The following PRXL2C variants were observed in gnomAD, a reference collection of about 807,000 sequenced individuals.
PRXL2C encodes the protein peroxiredoxin-like 2C.
PRXL2C carries 38 observed loss-of-function variants against 24.9 expected under a neutral mutation model. The observed-to-expected ratio is 1.53, with a 90% CI of 1.18 to 2.00. PRXL2C has a LOEUF of 2.00. Among genes scored for constraint, PRXL2C ranks in the 30% most tolerant of loss-of-function variants. The pLI is 0.00. For synonymous variants in PRXL2C, 98 were observed against 117.2 expected (o/e 0.84, Z 1.06); for missense variants, 294 against 290.9 (o/e 1.01, Z -0.08).
chr9:96,651,783 C>G (rs1394148134), intron 2 of PRXL2C, 71 bp from the exon 3 acceptor site: 1 of 1,337,802 alleles, frequency 7.5e-7, no homozygotes, highest in Non-Finnish European at 1.0e-6. Flanking sequence ...TCCCTTAACC[C>G]AACTCTTATG....
At chr9:96,644,444 A>G (rs1848162621) in intron 5 of PRXL2C, among the ~76,000 whole-genome samples, 2 of 152,212 alleles carry the variant, frequency 1.3e-5, no homozygotes, top group Non-Finnish European at 2.9e-5. Context: ...ACACCCATCA[A>G]TAAAGTTAAC....
rs1367843919 is a variant in PRXL2C, at chr9:96,654,782, CAAAACGGCA to C, written c.193-18_193-10del. 6.4e-7 allele frequency: 1 copy of C among 1,557,750 alleles called. No homozygotes were observed. The highest frequency in any genetic ancestry group is 8.7e-7 in the Non-Finnish European group (1 of 1,149,738). ...ATGTAACACAGGAAATGCTGAAAGC[CAAAACGGCA>C]GAAAGGGCAAGTTAGTAAAGCAGCA... On this transcript the variant is annotated splice_polypyrimidine_tract_variant and intron_variant, in intron 1 of 5. Coordinates refer to ENST00000375234, the MANE Select transcript of PRXL2C (RefSeq NM_153698.2).
intron 5 of PRXL2C, 71 bp from the exon 6 acceptor site, chr9:96,641,957 G>A: frequency 2.3e-6 from 3 of 1,323,320 alleles, no homozygotes; most frequent in Admixed American, 2.7e-5. Context: ...CTAAAATCAA[G>A]GAAGCTTTTC....
At chr9:96,645,850 A>G in intron 5 of PRXL2C, 43 bp downstream of exon 5, 1 of 1,538,926 alleles carries the variant, frequency 6.5e-7, no homozygotes. Flanking sequence ...AACTTGTAAA[A>G]AGCACAAGAC....
chr9:96,653,104 T>TTAG (rs1181610281), intron 2 of PRXL2C, among the ~76,000 whole-genome samples: 1 of 151,598 alleles, frequency 6.6e-6, no homozygotes, highest in Admixed American at 6.6e-5. Context: ...CGGGCGCCTG[T>TTAG]TAGTCCCAGC....
In PRXL2C at chr9:96,655,201, C is replaced by A; in HGVS notation, c.81G>T (p.Gly27=). 2.5e-6 allele frequency: 3 copies of A among 1,186,042 alleles called. No homozygotes were observed. Among genetic ancestry groups the A allele is most frequent in the Non-Finnish European group, 3.1e-6 (3 of 960,404 alleles). 73.5% of individuals were successfully genotyped at this position (1,186,042 alleles called of 1,614,324 possible). ...CGGCCACGGCGGCCGCCAGGGGCTGCCCGCTGTCGGGGCCGCTCGGGGCCG... is the reference window on the plus strand; with the variant it reads ...CGGCCACGGCGGCCGCCAGGGGCTGACCGCTGTCGGGGCCGCTCGGGGCCG... ...LVPAPSGPDS[G]QPLAAAVAEL... The change falls in exon 1 of 6, where the codon GGG becomes GGT. Residue 27 remains glycine, a synonymous_variant. Transcript: ENST00000375234.
At chr9:96,652,918 TG>T (rs1198521939) in intron 2 of PRXL2C, among the ~76,000 whole-genome samples, 1 of 152,074 alleles carries the variant, frequency 6.6e-6, no homozygotes, top group Non-Finnish European at 1.5e-5. Flanking sequence ...TGTTCAACAA[TG>T]GATAAATATA....
chr9:96,650,798 A>G (rs1029887547), intron 4 of PRXL2C, among the ~76,000 whole-genome samples: 1 of 152,144 alleles, frequency 6.6e-6, no homozygotes, highest in Non-Finnish European at 1.5e-5. Context: ...TTTAAAACCT[A>G]TTTCATCATG....
chr9:96,641,694 T>TA lies in PRXL2C; in HGVS notation c.*64dup. 6.8e-7 allele frequency: 1 copy of TA among 1,462,738 alleles called. No homozygotes were observed. Among genetic ancestry groups the TA allele is most frequent in the Non-Finnish European group, 9.2e-7 (1 of 1,086,534 alleles). The allele number at this position is 1,462,738 out of a possible 1,614,324, so 90.6% of individuals were successfully genotyped here. ...CAGGTTAGACACTGCACGAGGATAT[T>TA]ACACCCAGGCATTGAAGGTCACATT... On this transcript the variant is annotated 3_prime_UTR_variant, in exon 6 of 6. Transcript: ENST00000375234.
chr9:96,652,731 T>C (rs1347568056), intron 2 of PRXL2C, among the ~76,000 whole-genome samples: 1 of 152,088 alleles, frequency 6.6e-6, no homozygotes, highest in Non-Finnish European at 1.5e-5. Flanking sequence ...AGTACAGCCA[T>C]TACGGAAAAC....
chr9:96,645,812 G>T, intron 5 of PRXL2C, 81 bp downstream of exon 5: 1 of 1,339,242 alleles, frequency 7.5e-7, no homozygotes, highest in Non-Finnish European at 1.0e-6. Flanking sequence ...AAAAAAAAAA[G>T]GAAAAGAAAA....
At chr9:96,642,268 A>G (rs1410496993) in intron 5 of PRXL2C, among the ~76,000 whole-genome samples, 2 of 152,172 alleles carry the variant, frequency 1.3e-5, no homozygotes, top group Non-Finnish European at 2.9e-5. Flanking sequence ...GAATAAATAT[A>G]ATAAGGAAAT....
intron 2 of PRXL2C, among the ~76,000 whole-genome samples, chr9:96,652,943 A>G (rs977959651): frequency 6.6e-6 from 1 of 152,096 alleles, no homozygotes; most frequent in Non-Finnish European, 1.5e-5. Context: ...AAAATGCGGT[A>G]TCGGCCGGGC....
At chr9:96,651,829 A>C in intron 2 of PRXL2C, 117 bp from the exon 3 acceptor site, 1 of 789,434 alleles carries the variant, frequency 1.3e-6, no homozygotes, top group Non-Finnish European at 2.0e-6. Flanking sequence ...TTCTAGAGGA[A>C]TGGAATACAC....
chr9:96,644,881 C>CTTTTTTTTTTTTT lies in PRXL2C; in HGVS notation c.553+999_553+1011dup, dbSNP rs530343244. Among the ~76,000 whole-genome samples, 6 of 36,672 alleles carry CTTTTTTTTTTTTT rather than the reference C, an allele frequency of 1.6e-4. 2 individuals carry two copies. Among genetic ancestry groups the CTTTTTTTTTTTTT allele is most frequent in the East Asian group, 3.1e-3 (2 of 652 alleles). 24.1% of individuals were successfully genotyped at this position (36,672 alleles called of 152,430 possible). A position where few individuals can be genotyped will look rare whatever the true frequency, so the allele number is the denominator to read the frequency against. ...TTAGGTATAAATAACTACATGGATTCTTTTTTTTTTTTTTTTTTTTTTTTT... is the reference window on the plus strand; with the variant it reads ...TTAGGTATAAATAACTACATGGATTCTTTTTTTTTTTTTTTTTTTTTTTTTTTTTTTTTTTTTT... On this transcript the variant is annotated intron_variant, in intron 5 of 5. Transcript: ENST00000375234.
intron 5 of PRXL2C, among the ~76,000 whole-genome samples, chr9:96,642,453 C>A (rs976645448): frequency 1.3e-5 from 2 of 151,866 alleles, no homozygotes; most frequent in African/African-American, 2.4e-5. Flanking sequence ...AATTTATAAT[C>A]ATAAATTTAC....
At chr9:96,653,835 GCA>G (rs1023376938) in intron 2 of PRXL2C, among the ~76,000 whole-genome samples, 25 of 150,856 alleles carry the variant, frequency 1.7e-4, no homozygotes, top group African/African-American at 6.2e-4. Context: ...AAACTCTGTA[GCA>G]CAGTTTTTTT....
At chr9:96,646,566 C>T (rs1848203401) in intron 4 of PRXL2C, among the ~76,000 whole-genome samples, 1 of 152,168 alleles carries the variant, frequency 6.6e-6, no homozygotes, top group Non-Finnish European at 1.5e-5. Flanking sequence ...AGTATATTTT[C>T]CAGTCTTAGT....
Position 96,641,342 on chromosome 9 carries a change from G to T in PRXL2C, c.*417C>A, listed in dbSNP as rs540499016. The T allele has an allele frequency of 2.0e-5, 3 of 152,824 alleles. No homozygotes were observed. Among genetic ancestry groups the T allele is most frequent in the South Asian group, 2.1e-4 (1 of 4,826 alleles). 9.5% of individuals were successfully genotyped at this position (152,824 alleles called of 1,614,324 possible). Reference sequence around the variant, plus strand: ...ATACATATAAAAATGCAGTTACATTGTTGACAGATTTGATATTTTGCCTTC... The same window carrying T: ...ATACATATAAAAATGCAGTTACATTTTTGACAGATTTGATATTTTGCCTTC... On this transcript the variant is annotated 3_prime_UTR_variant, in exon 6 of 6. Transcript: ENST00000375234.
Sources: gnomAD v4.1 joint callset for allele counts (sites outside exome capture counted in the v4.1 genomes callset) on GRCh38, gnomAD v4.1.1 for gene constraint, MANE v1.5 for transcripts, NCBI Gene and HGNC (gene_info 2026-07-23, HGNC 2026-07-21) for gene names.